The following PALS2 variants were observed in gnomAD, a reference collection of about 807,000 sequenced individuals.
The protein encoded by PALS2 is protein associated with LIN7 2, MAGUK p55 family member.
A neutral mutation model predicts 61.6 loss-of-function variants in PALS2; 27 were observed. The ratio of observed to expected loss-of-function variants is 0.44; its 90% CI spans 0.32 to 0.60. The LOEUF is 0.60. PALS2 is among the 20% of genes least tolerant of loss of function. The pLI is 0.05. For synonymous variants in PALS2, 236 were observed against 218.6 expected, an observed-to-expected ratio of 1.08 and a Z score of -0.70; for missense variants, 554 against 639.4, an observed-to-expected ratio of 0.87 and a Z score of 1.44.
At chr7:24,652,249 C>A (rs1048042428) in intron 5 of PALS2, among the ~76,000 whole-genome samples, 1 of 152,114 alleles carries the variant, frequency 6.6e-6, no homozygotes, top group African/African-American at 2.4e-5. Context: ...CTCCAGAATT[C>A]TTCTAGCTCA....
chr7:24,671,277 T>A (rs557508847), intron 9 of PALS2, among the ~76,000 whole-genome samples: 1 of 152,352 alleles, frequency 6.6e-6, no homozygotes, highest in East Asian at 1.9e-4. Flanking sequence ...TAATGTCTGA[T>A]CATGTCAAAC....
chr7:24,663,556 A>G, intron 5 of PALS2, 34 bp from the exon 6 acceptor site: 1 of 1,535,876 alleles, frequency 6.5e-7, no homozygotes, highest in Non-Finnish European at 8.8e-7. Flanking sequence ...AAGTGATACA[A>G]CTATAGTATT....
intron 1 of PALS2, among the ~76,000 whole-genome samples, chr7:24,576,947 G>A (rs897360478): frequency 6.6e-5 from 10 of 152,216 alleles, no homozygotes; most frequent in Admixed American, 2.0e-4. Context: ...TTATTACCAG[G>A]TGTAATAAAG....
intron 1 of PALS2, among the ~76,000 whole-genome samples, chr7:24,614,258 G>C (rs1412427016): frequency 6.6e-6 from 1 of 151,164 alleles, no homozygotes; most frequent in Non-Finnish European, 1.5e-5. Context: ...TTTATTCTTA[G>C]GGTTTTTTTT....
In PALS2 at chr7:24,618,196, C is replaced by T. The variant is rs140542263; in HGVS notation, c.-2-5470C>T. Among the ~76,000 whole-genome samples the T allele has an allele frequency of 8.5e-5, 13 of 152,290 alleles. No homozygotes were observed. Among genetic ancestry groups the T allele is most frequent in the South Asian group, 6.2e-4 (3 of 4,820 alleles). ...GTCAGCTGCTCAGTTGCTCAGGGAC[C>T]TCTGCTGCTCAGGGGAGGGCATACA... On this transcript the variant is annotated intron_variant, in intron 1 of 11. Transcript: ENST00000222644. This position sits in a 1 kb window ranked among gnomAD's most constrained non-coding sequence, Gnocchi z 5.1.
At chr7:24,681,121 G>A (rs1787903294) in intron 11 of PALS2, among the ~76,000 whole-genome samples, 1 of 151,756 alleles carries the variant, frequency 6.6e-6, no homozygotes, top group African/African-American at 2.4e-5. Flanking sequence ...GGGTAACTGG[G>A]CTCCGAGATC....
At chr7:24,605,455 C>T (rs1783863856) in intron 1 of PALS2, among the ~76,000 whole-genome samples, 1 of 152,064 alleles carries the variant, frequency 6.6e-6, no homozygotes, top group Non-Finnish European at 1.5e-5. Flanking sequence ...TTTCATATAT[C>T]ACTGATATAG....
At chr7:24,597,413 C>T (rs930014345) in intron 1 of PALS2, among the ~76,000 whole-genome samples, 9 of 151,932 alleles carry the variant, frequency 5.9e-5, no homozygotes, top group Non-Finnish European at 8.8e-5. Flanking sequence ...TGAGATGGCA[C>T]GGGTGGAGAA....
intron 2 of PALS2, among the ~76,000 whole-genome samples, chr7:24,626,479 G>A (rs1208773649): frequency 6.6e-6 from 1 of 151,588 alleles, no homozygotes; most frequent in East Asian, 1.9e-4. Flanking sequence ...AATCAAAATG[G>A]GCAAAATAAC....
Position 24,690,076 on chromosome 7 carries a change from A to G in PALS2, c.*2462A>G, listed in dbSNP as rs1293549469. On this transcript the variant is annotated 3_prime_UTR_variant, in exon 12 of 12. Transcript: ENST00000222644. ...TTATAAATGGTATTCATGATTGACT[A>G]CTTAATTAATGCACATTAGATTTCT... 1 of 152,234 alleles carries G rather than the reference A, an allele frequency of 6.6e-6. No homozygotes were observed. The highest frequency in any genetic ancestry group is 1.5e-5 in the Non-Finnish European group (1 of 68,038). 9.4% of individuals were successfully genotyped at this position (152,234 alleles called of 1,614,324 possible). A position where few individuals can be genotyped will look rare whatever the true frequency, so the allele number is the denominator to read the frequency against.
chr7:24,662,949 T>A (rs1583972088), intron 5 of PALS2, among the ~76,000 whole-genome samples: 1 of 152,148 alleles, frequency 6.6e-6, no homozygotes. Context: ...TTATTAATAA[T>A]GCAAATGTAA....
At chr7:24,610,370 A>C (rs1423433679) in intron 1 of PALS2, among the ~76,000 whole-genome samples, 1 of 152,052 alleles carries the variant, frequency 6.6e-6, no homozygotes, top group Non-Finnish European at 1.5e-5. Context: ...GTGTTTATAC[A>C]TTTTGGTCTA....
rs540704038 is a variant in PALS2, at chr7:24,667,818, C to T, written c.953-681C>T. ...TAGCTGGGACTACAGGCGCACACCA[C>T]CACGCCTAGCTAATTTTTTGTATTT... On this transcript the variant is annotated intron_variant, in intron 8 of 11. Coordinates refer to ENST00000222644, the MANE Select transcript of PALS2 (RefSeq NM_001303037.2). Among the ~76,000 whole-genome samples, 6 of 152,054 alleles carry T rather than the reference C, an allele frequency of 3.9e-5. No individual in the cohort carries two copies. The East Asian group carries it at 1.2e-3, about 29-fold the overall frequency.
At chr7:24,658,739 T>C (rs904556871) in intron 5 of PALS2, among the ~76,000 whole-genome samples, 2 of 151,684 alleles carry the variant, frequency 1.3e-5, no homozygotes, top group African/African-American at 4.8e-5. Flanking sequence ...TTTTTTTTAG[T>C]AGAGACAGGG....
intron 5 of PALS2, among the ~76,000 whole-genome samples, chr7:24,657,189 T>C (rs1002730790): frequency 7.9e-5 from 12 of 152,254 alleles, no homozygotes; most frequent in Non-Finnish European, 1.8e-4. Context: ...CAAATAAAGC[T>C]GCTATGGACA....
chr7:24,585,337 G>A (rs762759220), intron 1 of PALS2, among the ~76,000 whole-genome samples: 22 of 151,872 alleles, frequency 1.4e-4, no homozygotes, highest in South Asian at 6.3e-4. Context: ...CTTTTATTTC[G>A]TTGAGCAGTG....
intron 9 of PALS2, among the ~76,000 whole-genome samples, chr7:24,678,513 T>C (rs973669577): frequency 6.6e-6 from 1 of 152,164 alleles, no homozygotes; most frequent in African/African-American, 2.4e-5. Context: ...AGATAATTTG[T>C]GGGTAAAACT....
chr7:24,634,976 G>T (rs927355366), intron 2 of PALS2, among the ~76,000 whole-genome samples: 6 of 151,952 alleles, frequency 3.9e-5, no homozygotes, highest in Non-Finnish European at 7.4e-5. Flanking sequence ...GATAACTCTT[G>T]TGTAGTACTT....
intron 1 of PALS2, among the ~76,000 whole-genome samples, chr7:24,589,673 C>T (rs1461161560): frequency 2.0e-5 from 3 of 152,134 alleles, no homozygotes; most frequent in Non-Finnish European, 4.4e-5. Flanking sequence ...ATAGTTCTCT[C>T]ATCCCATTAC....
Sources: allele counts gnomAD v4.1 joint callset (sites outside exome capture counted in the v4.1 genomes callset), GRCh38; gene constraint gnomAD v4.1.1; non-coding constraint Gnocchi (gnomAD v3.1); transcripts MANE v1.5; gene names NCBI Gene and HGNC (gene_info 2026-07-23, HGNC 2026-07-21).